The following MTCL1 variants were observed in gnomAD, a reference collection of about 807,000 sequenced individuals.
MTCL1 encodes the protein microtubule cross-linking factor 1.
MTCL1 carries 79 observed loss-of-function variants against 141.4 expected under a neutral mutation model. The observed-to-expected ratio is 0.56, with a 90% CI of 0.47 to 0.67. MTCL1 has a LOEUF of 0.67. Among genes scored for constraint, MTCL1 ranks in the 30% least tolerant of loss-of-function variants. The pLI is 0.00. For missense variants in MTCL1, 2,177 were observed against 2,113.9 expected (o/e 1.03, Z -0.59); for synonymous variants, 914 against 875.8 (o/e 1.04, Z -0.77).
chr18:8,731,042 A>G lies in MTCL1; in HGVS notation c.357+10546A>G, dbSNP rs568431627. 2.2e-4 allele frequency among the ~76,000 whole-genome samples: 34 copies of G among 152,100 alleles called. 1 individual carries two copies. Among genetic ancestry groups the G allele is most frequent in the Admixed American group, 4.6e-4 (7 of 15,258 alleles). ...GGGCGGATCACGAGGTCAGGAGATC[A>G]AGACCATCCTGGCTAACACGGTGAA... On this transcript the variant is annotated intron_variant, in intron 4 of 16. Transcript: ENST00000359865.
intron 10 of MTCL1, among the ~76,000 whole-genome samples, chr18:8,798,850 A>G (rs2076017051): frequency 6.6e-6 from 1 of 152,238 alleles, no homozygotes; most frequent in Non-Finnish European, 1.5e-5. Context: ...ATAAAGCAAA[A>G]GATGCTACTA....
At chr18:8,739,380 G>A (rs1409315621) in intron 4 of MTCL1, among the ~76,000 whole-genome samples, 1 of 152,212 alleles carries the variant, frequency 6.6e-6, no homozygotes, top group Non-Finnish European at 1.5e-5. Flanking sequence ...GTGCATGCGC[G>A]GTGGAAGAGA....
chr18:8,815,386 C>T lies in MTCL1; in HGVS notation c.2859+2153C>T, dbSNP rs560891367. ...GTCGCAAGGACAAAAAACCGAACAC[C>T]GCATATTCTCACTCATAGGTGGGAA... On this transcript the variant is annotated intron_variant, in intron 12 of 16. Coordinates refer to ENST00000359865, the Ensembl canonical transcript of MTCL1. Among the ~76,000 whole-genome samples, 56 of 152,036 alleles carry T rather than the reference C, an allele frequency of 3.7e-4. 1 individual carries two copies. Among genetic ancestry groups the T allele is most frequent in the Middle Eastern group, 6.8e-3 (2 of 294 alleles).
upstream of MTCL1, among the ~76,000 whole-genome samples, chr18:8,714,946 G>T (rs539410807): frequency 1.3e-5 from 2 of 152,038 alleles, no homozygotes; most frequent in African/African-American, 4.8e-5. Flanking sequence ...ACAGGTGCCC[G>T]CCACCACGCC....
intron 12 of MTCL1, among the ~76,000 whole-genome samples, chr18:8,815,346 A>G (rs1410960981): frequency 6.6e-6 from 1 of 152,036 alleles, no homozygotes; most frequent in East Asian, 1.9e-4. Flanking sequence ...ATTGGAAATC[A>G]TCATTCTCAG....
At chr18:8,723,330 A>G (rs1274539484) in intron 4 of MTCL1, among the ~76,000 whole-genome samples, 1 of 152,228 alleles carries the variant, frequency 6.6e-6, no homozygotes, top group African/African-American at 2.4e-5. Context: ...AAAAGCCAGT[A>G]CAAACAGGCT....
At chr18:8,823,684 A>C (rs1018505517) in intron 14 of MTCL1, among the ~76,000 whole-genome samples, 5 of 152,200 alleles carry the variant, frequency 3.3e-5, no homozygotes, top group African/African-American at 1.2e-4. Flanking sequence ...TAACGATGTC[A>C]CTTTTAGCCT....
At chr18:8,831,654 C>T (rs1295405522) in exon 17 of MTCL1, 2 of 1,550,598 alleles carry the variant, frequency 1.3e-6, no homozygotes, top group South Asian at 2.4e-5. Flanking sequence ...CCTGCTTCTC[C>T]AGGCCCGAGA....
intron 4 of MTCL1, among the ~76,000 whole-genome samples, chr18:8,760,446 A>G (rs1394152942): frequency 6.6e-6 from 1 of 152,240 alleles, no homozygotes; most frequent in Non-Finnish European, 1.5e-5. Flanking sequence ...CGCCCCTGAC[A>G]TTCTCTAGGG....
intron 10 of MTCL1, 124 bp downstream of exon 9, chr18:8,798,415 T>G: frequency 2.7e-6 from 2 of 753,516 alleles, no homozygotes; most frequent in Non-Finnish European, 4.0e-6. Flanking sequence ...ACCGCCTGAC[T>G]GCGGTCACCT....
intron 11 of MTCL1, among the ~76,000 whole-genome samples, chr18:8,811,459 A>G (rs892584217): frequency 4.6e-5 from 7 of 152,234 alleles, no homozygotes; most frequent in African/African-American, 1.7e-4. Flanking sequence ...TCCAAACTAC[A>G]GCACTGATAC....
intron 4 of MTCL1, among the ~76,000 whole-genome samples, chr18:8,753,124 A>G (rs1308943299): frequency 6.6e-6 from 1 of 152,234 alleles, no homozygotes; most frequent in Non-Finnish European, 1.5e-5. Context: ...TGGCACAGAC[A>G]GAAGTCTTCA....
chr18:8,807,796 C>T (rs2144133584), intron 11 of MTCL1, among the ~76,000 whole-genome samples: 1 of 152,258 alleles, frequency 6.6e-6, no homozygotes, highest in Admixed American at 6.5e-5. Flanking sequence ...GAGAGCGTCT[C>T]TCGAGGTTTC....
chr18:8,706,728 G>C lies in MTCL1; in HGVS notation c.1053+15G>C, dbSNP rs1420315625. ...ACTATCTCAAGGTGAGCCGCGCCTC[G>C]GCCGCAGGTGTCCCGGGGCGCCCCC... On this transcript the variant is annotated intron_variant, in intron 1 of 13. Coordinates refer to the MTCL1 transcript ENST00000306329. The C allele has an allele frequency of 6.5e-7, 1 of 1,543,866 alleles. No individual in the cohort carries two copies. Among genetic ancestry groups the C allele is most frequent in the Non-Finnish European group, 8.7e-7 (1 of 1,145,810 alleles).
At chr18:8,804,917 G>A (rs1056885579) in intron 10 of MTCL1, among the ~76,000 whole-genome samples, 1 of 151,032 alleles carries the variant, frequency 6.6e-6, no homozygotes, top group African/African-American at 2.4e-5. Context: ...CTTGAGCCCA[G>A]GAGGTTGAGG....
chr18:8,788,896 G>A (rs1352692693), intron 7 of MTCL1, among the ~76,000 whole-genome samples: 2 of 152,212 alleles, frequency 1.3e-5, no homozygotes, highest in African/African-American at 4.8e-5. Context: ...AGATATTAGC[G>A]AGATGCTCAC....
exon 15 of MTCL1, chr18:8,825,381 G>A: frequency 1.3e-6 from 2 of 1,538,644 alleles, no homozygotes; most frequent in Non-Finnish European, 1.8e-6. Context: ...GGCCTTCTCT[G>A]TCAGGAATGC....
At chr18:8,826,223 G>A in exon 15 of MTCL1, 2 of 1,595,386 alleles carry the variant, frequency 1.3e-6, no homozygotes, top group Non-Finnish European at 8.5e-7. Flanking sequence ...CCGAGCCAGG[G>A]CCCATGGAGG....
At chr18:8,749,633 G>T (rs562183939) in intron 4 of MTCL1, among the ~76,000 whole-genome samples, 1 of 152,336 alleles carries the variant, frequency 6.6e-6, no homozygotes, top group East Asian at 1.9e-4. Context: ...CCAATGGTGG[G>T]CCCGAGAGAG....
Sources: allele counts gnomAD v4.1 joint callset (sites outside exome capture counted in the v4.1 genomes callset), GRCh38; gene constraint gnomAD v4.1.1; transcripts MANE v1.5; gene names NCBI Gene and HGNC (gene_info 2026-07-23, HGNC 2026-07-21).